The following MSI2 variants were observed in gnomAD, a reference collection of about 807,000 sequenced individuals.
MSI2 encodes musashi RNA binding protein 2.
Under a neutral mutation model 45.6 loss-of-function variants are expected in MSI2, and 17 were observed. The ratio of observed to expected loss-of-function variants is 0.37; its 90% confidence interval spans 0.26 to 0.56. The LOEUF (loss-of-function observed/expected upper bound fraction) is 0.56. Among genes scored for constraint, MSI2 ranks in the 20% least tolerant of loss-of-function variants. The pLI, the probability that MSI2 is intolerant of heterozygous loss-of-function variation, is 0.77. For synonymous variants in MSI2, 156 were observed against 158.2 expected, an observed-to-expected ratio of 0.99 and a Z score of 0.11; for missense variants, 293 against 444.2, an observed-to-expected ratio of 0.66 and a Z score of 3.06.
intron 7 of MSI2, among the ~76,000 whole-genome samples, chr17:57,561,714 G>A (rs1248267593): frequency 1.3e-5 from 2 of 152,186 alleles, no homozygotes; most frequent in Non-Finnish European, 2.9e-5. Context: ...AGAAATGGTA[G>A]CGTGTGCCCA....
At chr17:57,390,397 A>G (rs2083768120) in intron 5 of MSI2, among the ~76,000 whole-genome samples, 1 of 152,108 alleles carries the variant, frequency 6.6e-6, no homozygotes, top group African/African-American at 2.4e-5. Flanking sequence ...CTCACCTTGA[A>G]CCAATGAGAT....
intron 8 of MSI2, among the ~76,000 whole-genome samples, chr17:57,614,885 A>G (rs1249404728): frequency 1.3e-5 from 2 of 152,172 alleles, no homozygotes; most frequent in Non-Finnish European, 2.9e-5. Context: ...AGCATGAAGA[A>G]ATTTGAGAGT....
intron 10 of MSI2, chr17:57,628,726 TC>T: frequency 6.5e-6 from 1 of 152,710 alleles, no homozygotes. Context: ...CCCACCAGTG[TC>T]CCCTGGGGCT....
intron 5 of MSI2, among the ~76,000 whole-genome samples, chr17:57,347,310 C>G (rs1206797005): frequency 6.6e-6 from 1 of 152,144 alleles, no homozygotes; most frequent in Non-Finnish European, 1.5e-5. Context: ...ACCATCTTAT[C>G]AAGATTTGAA....
rs573792115 is a variant in MSI2 at position 57,647,448 on chromosome 17, C to CAA, written c.728-4638_728-4637dup. ...TGAACATCAGAGTGAGACTCTGTCT[C>CAA]AAAAAAAAAAAAAAGTAAAGGAAAA... On this transcript the variant is annotated intron_variant, in intron 10 of 13. Transcript: ENST00000284073. Among the ~76,000 whole-genome samples the CAA allele has an allele frequency of 1.1e-3, 137 of 128,414 alleles. 1 individual carries two copies. Among genetic ancestry groups the CAA allele is most frequent in the African/African-American group, 3.2e-3 (109 of 33,898 alleles). 84.2% of individuals were successfully genotyped at this position (128,414 alleles called of 152,430 possible). A position where few individuals can be genotyped will look rare whatever the true frequency, so the allele number is the denominator to read the frequency against.
chr17:57,353,120 C>A (rs966674961), intron 5 of MSI2, among the ~76,000 whole-genome samples: 1 of 152,148 alleles, frequency 6.6e-6, no homozygotes, highest in Admixed American at 6.5e-5. Flanking sequence ...GCCCATCTTT[C>A]CCCAGATAGC....
intron 10 of MSI2, chr17:57,632,160 G>A (rs1909440590): frequency 8.4e-7 from 1 of 1,187,102 alleles, no homozygotes; most frequent in African/African-American, 1.6e-5. Flanking sequence ...CTAGGAAGAA[G>A]ACATCAAATG....
intron 6 of MSI2, among the ~76,000 whole-genome samples, chr17:57,513,707 G>A (rs1167528849): frequency 2.6e-5 from 4 of 152,142 alleles, no homozygotes; most frequent in African/African-American, 7.2e-5. Context: ...CCCCCCTCCC[G>A]GGCTCTCAAA....
At chr17:57,317,827 T>A (rs1423376152) in intron 5 of MSI2, among the ~76,000 whole-genome samples, 1 of 152,084 alleles carries the variant, frequency 6.6e-6, no homozygotes, top group Non-Finnish European at 1.5e-5. Flanking sequence ...ATGTGCCTCT[T>A]GGGAAGGGTG....
At chr17:57,387,243 A>G (rs1304178573) in intron 5 of MSI2, among the ~76,000 whole-genome samples, 1 of 152,262 alleles carries the variant, frequency 6.6e-6, no homozygotes, top group Non-Finnish European at 1.5e-5. Context: ...GCTATAAAAC[A>G]TCTGTAACAC....
intron 11 of MSI2, among the ~76,000 whole-genome samples, chr17:57,667,244 G>T (rs1410681848): frequency 6.6e-6 from 1 of 152,180 alleles, no homozygotes; most frequent in East Asian, 1.9e-4. Context: ...TGTGGGCCTG[G>T]AGTCTGAAGC....
chr17:57,431,291 T>C (rs939628643), intron 6 of MSI2, among the ~76,000 whole-genome samples: 1 of 152,178 alleles, frequency 6.6e-6, no homozygotes. Flanking sequence ...CAGAGCCCTG[T>C]GGTTCAGAAC....
At chr17:57,644,966 A>C (rs746721351) in intron 10 of MSI2, among the ~76,000 whole-genome samples, 5 of 152,186 alleles carry the variant, frequency 3.3e-5, no homozygotes, top group Admixed American at 6.5e-5. Context: ...GTCCACTCCC[A>C]GACCAGTGTC....
At chr17:57,699,953 A>G in the MSI2 span, among the ~76,000 whole-genome samples, 2 of 152,248 alleles carry the variant, frequency 1.3e-5, no homozygotes, top group South Asian at 4.1e-4. Flanking sequence ...CTCAGCAATC[A>G]TCGCTGATTA....
chr17:57,574,595 G>T lies in MSI2; in HGVS notation c.455-22273G>T, dbSNP rs1455256008. On this transcript the variant is annotated intron_variant, in intron 7 of 13. Transcript: ENST00000284073. The stretch of plus-strand genomic sequence containing the variant: ...GAAGGTTTCCAGCCTGGATGTGTCA[G>T]GCTGGCATGTGTGCCAGGCTGGATG... Among the ~76,000 whole-genome samples the T allele has an allele frequency of 3.3e-5, 5 of 152,278 alleles. No homozygotes were observed. In the East Asian group the frequency reaches 9.7e-4, roughly 30 times the overall value.
At chr17:57,688,369 C>T (rs1490296935), downstream of MSI2, among the ~76,000 whole-genome samples, 1 of 152,076 alleles carries the variant, frequency 6.6e-6, no homozygotes. Context: ...GCCTCCTCCT[C>T]TCCAGTAGTA....
At chr17:57,499,898 G>T (rs1165993986) in intron 6 of MSI2, among the ~76,000 whole-genome samples, 1 of 152,130 alleles carries the variant, frequency 6.6e-6, no homozygotes, top group Non-Finnish European at 1.5e-5. Context: ...GAAGCTTAGG[G>T]CTGGAGCACA....
chr17:57,498,318 C>T (rs527984315), intron 6 of MSI2, among the ~76,000 whole-genome samples: 1 of 152,232 alleles, frequency 6.6e-6, no homozygotes, highest in African/African-American at 2.4e-5. Flanking sequence ...ATACAGCTGA[C>T]GCTTGTTCTC....
chr17:57,685,211 A>G (rs1470234989), downstream of MSI2, among the ~76,000 whole-genome samples: 5 of 152,192 alleles, frequency 3.3e-5, no homozygotes, highest in African/African-American at 1.2e-4. Context: ...ATCATCTACA[A>G]TACTTTCCAC....
Sources: allele counts gnomAD v4.1 joint callset (sites outside exome capture counted in the v4.1 genomes callset), GRCh38; gene constraint gnomAD v4.1.1; transcripts MANE v1.5; gene names NCBI Gene and HGNC (gene_info 2026-07-23, HGNC 2026-07-21).